The following FCRL5 variants were observed in gnomAD, a reference collection of about 807,000 sequenced individuals.
FCRL5 encodes the protein Fc receptor-like protein 5.
Under a neutral mutation model 92.1 loss-of-function variants are expected in FCRL5, and 79 were observed. The observed-to-expected ratio is 0.86, with a 90% CI of 0.72 to 1.03. The LOEUF (loss-of-function observed/expected upper bound fraction) is 1.03, where lower values mean the gene tolerates loss of function less well. Ranked by LOEUF, FCRL5 falls within the 50% of genes least tolerant of loss-of-function variation. The pLI, the probability that FCRL5 is intolerant of heterozygous loss-of-function variation, is 0.00. For missense variants in FCRL5, 1,160 were observed against 1,181.1 expected (o/e 0.98, Z 0.26); for synonymous variants, 466 against 469.3 (o/e 0.99, Z 0.09).
intron 2 of FCRL5, among the ~76,000 whole-genome samples, chr1:157,549,065 G>A (rs1651690069): frequency 6.6e-6 from 1 of 152,084 alleles, no homozygotes; most frequent in Non-Finnish European, 1.5e-5. Context: ...ACTGGATCAA[G>A]GAAATGTGGC....
chr1:157,539,058 G>T, intron 7 of FCRL5, 28 bp downstream of exon 7: 1 of 1,605,714 alleles, frequency 6.2e-7, no homozygotes, highest in African/African-American at 1.3e-5. Context: ...GGCCAGGGGT[G>T]GGTGATTGGC....
rs775368750 is a variant in FCRL5 at position 157,544,918 on chromosome 1, G to A, written c.472C>T (p.Leu158Phe). ...CAGCGATATGCACCATTGTCCTTGAGACATGCATGAGGAATATGGAAGTCA... is the reference window on the plus strand; with the variant it reads ...CAGCGATATGCACCATTGTCCTTGAAACATGCATGAGGAATATGGAAGTCA... The part of the protein sequence containing the change: ...RTDFHIPHAC[L>F]KDNGAYRCTG... The change falls in exon 4 of 17, where the codon CTC becomes TTC. Residue 158 changes from leucine (L) to phenylalanine (F), a missense_variant. Coordinates refer to ENST00000361835, the MANE Select transcript of FCRL5 (RefSeq NM_031281.3). The A allele has an allele frequency of 6.2e-7, 1 of 1,614,166 alleles. No individual in the cohort carries two copies. The highest frequency in any genetic ancestry group is 8.5e-7 in the Non-Finnish European group (1 of 1,179,984).
intron 1 of FCRL5, among the ~76,000 whole-genome samples, chr1:157,551,025 C>T (rs953516907): frequency 3.3e-5 from 5 of 152,156 alleles, no homozygotes; most frequent in African/African-American, 1.2e-4. Context: ...CACCATTCAC[C>T]TGAATATTTT....
chr1:157,523,012 C>T (rs774152993), intron 10 of FCRL5, among the ~76,000 whole-genome samples: 10 of 152,230 alleles, frequency 6.6e-5, no homozygotes, highest in African/African-American at 1.2e-4. Flanking sequence ...GGAAGAAGAA[C>T]GAGCTGACTG....
Position 157,552,318 on chromosome 1 carries a change from GC to G in FCRL5, c.31+13del, listed in dbSNP as rs1317937932. ...CGATCCCACCCAGGGCCCATGGTGA[GC>G]CCTTTTACTCACCCAGGACCAGTAA... is the stretch of plus-strand genomic sequence containing the variant. On this transcript the variant is annotated intron_variant, in intron 1 of 16. Coordinates refer to ENST00000361835, the MANE Select transcript of FCRL5 (RefSeq NM_031281.3). The G allele has an allele frequency of 6.2e-7, 1 of 1,613,738 alleles. No individual in the cohort carries two copies. Among genetic ancestry groups the G allele is most frequent in the Non-Finnish European group, 8.5e-7 (1 of 1,179,804 alleles).
intron 7 of FCRL5, among the ~76,000 whole-genome samples, chr1:157,537,986 C>T (rs144732051): frequency 3.8e-3 from 586 of 152,270 alleles, no homozygotes; most frequent in Non-Finnish European, 6.4e-3. Flanking sequence ...ACTGTGTGGG[C>T]AGGGCCAGGT....
chr1:157,539,092 C>T lies in FCRL5; in HGVS notation c.1396G>A (p.Val466Ile), dbSNP rs6427384. 0.83 allele frequency: 1,331,239 copies of T among 1,612,654 alleles called. 557,643 individuals are homozygous for T. The highest frequency in any genetic ancestry group is 0.86 in the South Asian group (78,127 of 90,908). Residue 466 changes from valine (V) to isoleucine (I), a missense_variant, in exon 7 of 17, where the codon GTC (valine) becomes ATC (isoleucine). Coordinates refer to ENST00000361835, the MANE Select transcript of FCRL5 (RefSeq NM_031281.3). ...PQRSKAVSLS[V>I]TVPVSHPVLT... ...GCAGGAACCCAGGGCTTACCAGTGACGGAGAGGCTCACCGCCTTACTGCGC... is the reference window on the plus strand; with the variant it reads ...GCAGGAACCCAGGGCTTACCAGTGATGGAGAGGCTCACCGCCTTACTGCGC...
At chr1:157,550,058 G>GTTCTCAC (rs1651748372) in intron 1 of FCRL5, among the ~76,000 whole-genome samples, 1 of 152,064 alleles carries the variant, frequency 6.6e-6, no homozygotes, top group Non-Finnish European at 1.5e-5. Context: ...GAGAACATGA[G>GTTCTCAC]TCTGCAGGTG....
At chr1:157,522,012 GA>G (rs1485964185) in intron 10 of FCRL5, 1 of 152,182 alleles carries the variant, frequency 6.6e-6, no homozygotes, top group Non-Finnish European at 1.5e-5. Flanking sequence ...TGATATCCAA[GA>G]TGCATTTCTT....
intron 8 of FCRL5, chr1:157,532,671 T>G (rs944157343): frequency 6.6e-6 from 1 of 152,210 alleles, no homozygotes; most frequent in African/African-American, 2.4e-5. Context: ...CTACACAATA[T>G]TCTCACTTGA....
chr1:157,541,068 T>C (rs1421436989), intron 6 of FCRL5, among the ~76,000 whole-genome samples: 1 of 152,208 alleles, frequency 6.6e-6, no homozygotes, highest in East Asian at 1.9e-4. Context: ...ATTCACTGGA[T>C]GTGACTCAGT....
At chr1:157,541,733 T>G (rs1421756418) in intron 6 of FCRL5, 8 of 152,310 alleles carry the variant, frequency 5.3e-5, no homozygotes. Flanking sequence ...TTGACTGCAT[T>G]TGCTATTAGC....
intron 12 of FCRL5, 94 bp downstream of exon 12, chr1:157,520,337 G>T: frequency 1.2e-6 from 1 of 859,558 alleles, no homozygotes; most frequent in Non-Finnish European, 1.9e-6. Flanking sequence ...GAGCTCTTGC[G>T]AGCCTGGGAT....
chr1:157,529,427 C>A (rs1650585560), intron 8 of FCRL5, among the ~76,000 whole-genome samples: 1 of 152,166 alleles, frequency 6.6e-6, no homozygotes, highest in Non-Finnish European at 1.5e-5. Context: ...ACCATTTCAT[C>A]CAGCAATCCC....
intron 15 of FCRL5, 37 bp downstream of exon 15, chr1:157,518,392 G>C (rs1388273135): frequency 1.9e-6 from 3 of 1,558,788 alleles, no homozygotes; most frequent in African/African-American, 1.4e-5. Flanking sequence ...TGTCTAAGTT[G>C]AGGGTGGGCC....
At chr1:157,535,943 G>GTTTTTTTTTTTTTTTTTTTTTTTTTTT (rs60191062) in intron 7 of FCRL5, among the ~76,000 whole-genome samples, 1 of 90,008 alleles carries the variant, frequency 1.1e-5, no homozygotes, top group Non-Finnish European at 2.1e-5. Context: ...ATGTGACTCA[G>GTTTTTTTTTTTTTTTTTTTTTTTTTTT]TTTTTTTTTT....
chr1:157,539,221 G>A lies in FCRL5; in HGVS notation c.1267C>T (p.Arg423Cys), dbSNP rs149262706. The change falls in exon 7 of 17, where the codon CGT becomes TGT. Residue 423 changes from arginine to cysteine, a missense_variant. Coordinates refer to ENST00000361835, the MANE Select transcript of FCRL5 (RefSeq NM_031281.3). ...QFHHEGAALE[R>C]RSANSAGGVA... ...CCTCCTGCAGAGTTGGCCGACCTAC[G>A]CTCCAGGGCAGCACCCTCATGATGA... is the stretch of plus-strand genomic sequence containing the variant. 113 of 1,614,076 alleles carry A rather than the reference G, an allele frequency of 7.0e-5. No homozygotes were observed. The highest frequency in any genetic ancestry group is 8.3e-5 in the Non-Finnish European group (98 of 1,180,050).
chr1:157,545,482 C>T (rs941897814), intron 3 of FCRL5, among the ~76,000 whole-genome samples: 13 of 145,406 alleles, frequency 8.9e-5, no homozygotes, highest in African/African-American at 1.3e-4. Context: ...TTAATGTTTG[C>T]GGTTTTCCTT....
rs1650576377 is a variant in FCRL5, at chr1:157,529,241, A to G, written c.1682-1346T>C. Among the ~76,000 whole-genome samples the G allele has an allele frequency of 3.3e-5, 5 of 152,354 alleles. No homozygotes were observed. The South Asian group carries it at 1.0e-3, about 32-fold the overall frequency. On this transcript the variant is annotated intron_variant, in intron 8 of 16. Transcript: ENST00000361835. ...TCAAGGAAATTCAAATCAAAACCAC[A>G]ATGCGATACCACCTTACTCCTGCAA... is the stretch of plus-strand genomic sequence containing the variant.
Sources: gnomAD v4.1 joint callset for allele counts (sites outside exome capture counted in the v4.1 genomes callset) on GRCh38, gnomAD v4.1.1 for gene constraint, MANE v1.5 for transcripts, NCBI Gene and HGNC (gene_info 2026-07-23, HGNC 2026-07-21) for gene names.